The following PNO1 variants were observed in gnomAD, a reference collection of about 807,000 sequenced individuals.
PNO1 encodes the protein RNA-binding protein PNO1.
PNO1 carries 16 observed loss-of-function variants against 28.4 expected under a neutral mutation model. The observed-to-expected ratio is 0.56, with a 90% confidence interval of 0.38 to 0.85. The LOEUF (loss-of-function observed/expected upper bound fraction) is 0.85, where lower values mean the gene tolerates loss of function less well. Ranked by LOEUF, PNO1 falls within the 40% of genes least tolerant of loss-of-function variation. The pLI, the probability that PNO1 is intolerant of heterozygous loss-of-function variation, is 0.00. For missense variants in PNO1, 304 were observed against 312.2 expected, an observed-to-expected ratio of 0.97 and a Z score of 0.20; for synonymous variants, 115 against 110.8, an observed-to-expected ratio of 1.04 and a Z score of -0.24.
Position 68,174,819 on chromosome 2 carries a change from T to C in PNO1, c.*17T>C, listed in dbSNP as rs889951839. 7 of 1,540,740 alleles carry C rather than the reference T, an allele frequency of 4.5e-6. No homozygotes were observed. Among genetic ancestry groups the C allele is most frequent in the Non-Finnish European group, 6.3e-6 (7 of 1,115,206 alleles). On this transcript the variant is annotated 3_prime_UTR_variant, in exon 7 of 7. Transcript: ENST00000263657. Reference sequence around the variant, plus strand: ...CGATTCTGATTTCAAGTCAGAGACTTTTTATCTTGCCTTTGGACTCTGGTG... The same window carrying C: ...CGATTCTGATTTCAAGTCAGAGACTCTTTATCTTGCCTTTGGACTCTGGTG...
At chr2:68,169,445 ATAATCAGCATCACATG>A (rs781717071) in intron 5 of PNO1, among the ~76,000 whole-genome samples, 3 of 152,204 alleles carry the variant, frequency 2.0e-5, no homozygotes, top group Non-Finnish European at 2.9e-5. Context: ...CTTATGGGAG[ATAATCAGCATCACATG>A]TGATCAGCAT....
chr2:68,163,403 C>T (rs531145289), intron 5 of PNO1, among the ~76,000 whole-genome samples: 6 of 152,224 alleles, frequency 3.9e-5, no homozygotes, highest in South Asian at 2.1e-4. Context: ...ATGTGGCATA[C>T]GCCTTTAGTC....
intron 5 of PNO1, among the ~76,000 whole-genome samples, chr2:68,165,545 C>CAA (rs36126325): frequency 0.011 from 764 of 66,788 alleles, 32 homozygotes; most frequent in East Asian, 0.034. Context: ...GACTCCATCT[C>CAA]AAAAAAAAAA....
chr2:68,159,768 C>A (rs62145948), intron 2 of PNO1, among the ~76,000 whole-genome samples: 35,716 of 151,638 alleles, frequency 0.24, 5,137 homozygotes, highest in South Asian at 0.49. Flanking sequence ...TAGAGTAACT[C>A]CTCTTTGTCC....
At chr2:68,163,102 G>T (rs1210009649) in intron 5 of PNO1, among the ~76,000 whole-genome samples, 1 of 152,218 alleles carries the variant, frequency 6.6e-6, no homozygotes, top group African/African-American at 2.4e-5. Flanking sequence ...GGAATCATCT[G>T]TATACTTTTG....
At chr2:68,164,747 T>A (rs558961813) in intron 5 of PNO1, among the ~76,000 whole-genome samples, 2 of 152,224 alleles carry the variant, frequency 1.3e-5, no homozygotes, top group South Asian at 4.2e-4. Flanking sequence ...CAGTGAACCA[T>A]GATGGCACCA....
chr2:68,172,966 G>A (rs3961804), intron 5 of PNO1: 123,064 of 166,458 alleles, frequency 0.74, 46,704 homozygotes, highest in African/African-American at 0.93. Context: ...GTATATTCAT[G>A]GAGTTGTGCA....
intron 3 of PNO1, 152 bp from the exon 4 acceptor site, chr2:68,162,113 T>A: frequency 1.6e-6 from 1 of 606,278 alleles, no homozygotes; most frequent in Non-Finnish European, 2.9e-6. Flanking sequence ...CACTCCAGCC[T>A]GGGCGACAGC....
chr2:68,162,582 T>C lies in PNO1; in HGVS notation c.539T>C (p.Ile180Thr), dbSNP rs544947906. 7 of 1,613,894 alleles carry C rather than the reference T, an allele frequency of 4.3e-6. No homozygotes were observed. The highest frequency in any genetic ancestry group is 1.1e-5 in the South Asian group (1 of 91,088). ...AAGGGAGACCATCTATCCAGGGCAA[T>C]AGGAAGAATCGCTGGCAAAGGAGGA... is the stretch of plus-strand genomic sequence containing the variant. The part of the protein sequence containing the change: ...PLKGDHLSRA[I>T]GRIAGKGGKT... Residue 180 changes from isoleucine (I) to threonine (T), a missense_variant, in exon 5 of 7, where the codon ATA (isoleucine) becomes ACA (threonine). Ile to Thr is a moderately conservative substitution (Grantham distance 89). Transcript: ENST00000263657.
chr2:68,168,928 T>C (rs1036552325), intron 5 of PNO1, among the ~76,000 whole-genome samples: 17 of 135,122 alleles, frequency 1.3e-4, no homozygotes, highest in East Asian at 6.2e-4. Context: ...TTTCTTTTTT[T>C]TTTTTTTTTT....
At chr2:68,167,445 G>T (rs1674023086) in intron 5 of PNO1, among the ~76,000 whole-genome samples, 1 of 152,204 alleles carries the variant, frequency 6.6e-6, no homozygotes, top group South Asian at 2.1e-4. Context: ...TGTACATCCA[G>T]AAGACAGGCC....
chr2:68,162,421 C>A, intron 4 of PNO1, 96 bp downstream of exon 4: 1 of 1,079,734 alleles, frequency 9.3e-7, no homozygotes, highest in Non-Finnish European at 1.4e-6. Flanking sequence ...GTATTTTTAG[C>A]AACTTATATA....
At chr2:68,168,652 C>G (rs916592728) in intron 5 of PNO1, among the ~76,000 whole-genome samples, 2 of 152,146 alleles carry the variant, frequency 1.3e-5, no homozygotes, top group African/African-American at 4.8e-5. Context: ...GGTCTTAGGT[C>G]TTGTTTACAA....
At chr2:68,160,442 T>C (rs187539529) in intron 2 of PNO1, among the ~76,000 whole-genome samples, 39 of 152,342 alleles carry the variant, frequency 2.6e-4, no homozygotes, top group Non-Finnish European at 4.7e-4. Context: ...CCAGTATCTT[T>C]CCGGGTCTAG....
chr2:68,169,854 G>A (rs1429160648), intron 5 of PNO1, among the ~76,000 whole-genome samples: 1 of 151,996 alleles, frequency 6.6e-6, no homozygotes. Flanking sequence ...TATATGTGTT[G>A]AAAAAAATTT....
At position 68,158,159 on chromosome 2, in the gene PNO1, T is replaced by G. The variant is rs766362353; in HGVS notation, c.207+18T>G. Reference sequence around the variant, plus strand: ...GGCTCCTGGTATGTGGCTGGGACCCTAGGACAGCAACGAGGCAAGGGCCAG... The same window carrying G: ...GGCTCCTGGTATGTGGCTGGGACCCGAGGACAGCAACGAGGCAAGGGCCAG... On this transcript the variant is annotated intron_variant, in intron 1 of 6. Coordinates refer to ENST00000263657, the MANE Select transcript of PNO1 (RefSeq NM_020143.4). 1.3e-6 allele frequency: 2 copies of G among 1,569,166 alleles called. No homozygotes were observed. Among genetic ancestry groups the G allele is most frequent in the South Asian group, 1.2e-5 (1 of 86,168 alleles).
Position 68,158,464 on chromosome 2 carries a change from C to T in PNO1, c.292C>T (p.Pro98Ser), listed in dbSNP as rs1294089271. The T allele has an allele frequency of 5.0e-6, 8 of 1,613,186 alleles. No individual in the cohort carries two copies. Among genetic ancestry groups the T allele is most frequent in the African/African-American group, 1.3e-5 (1 of 75,022 alleles). Residue 98 changes from proline to serine, a missense_variant, in exon 2 of 7, where the codon CCT (proline) becomes TCT (serine). Pro to Ser is a moderately conservative substitution (Grantham distance 74). Transcript: ENST00000263657. ...LKENWMKIFTPIVEHLGLQIR... is the reference protein window; with the variant it reads ...LKENWMKIFTSIVEHLGLQIR... ...AGAAAACTGGATGAAGATATTTACT[C>T]CTATTGTGGAACATTTGGGACTTCA...
chr2:68,161,235 T>C (rs749207772), intron 2 of PNO1: 2 of 471,340 alleles, frequency 4.2e-6, no homozygotes, highest in South Asian at 3.1e-5. Flanking sequence ...TAGTTAGGCC[T>C]GGAGCTGTTG....
intron 5 of PNO1, among the ~76,000 whole-genome samples, chr2:68,164,315 C>T (rs1215032832): frequency 6.6e-6 from 1 of 150,964 alleles, no homozygotes; most frequent in African/African-American, 2.4e-5. Flanking sequence ...CATAGTGAAA[C>T]CCCTTCTCTA....
Sources: allele counts gnomAD v4.1 joint callset (sites outside exome capture counted in the v4.1 genomes callset), GRCh38; gene constraint gnomAD v4.1.1; transcripts MANE v1.5; gene names NCBI Gene and HGNC (gene_info 2026-07-23, HGNC 2026-07-21).